MTMR9: variants seen among roughly 807,000 people sequenced by gnomAD.
The protein encoded by MTMR9 is myotubularin related protein 9, also known as myotubularin-related protein 9.
A neutral mutation model predicts 69.5 loss-of-function variants in MTMR9; 39 were observed. The ratio of observed to expected loss-of-function variants is 0.56; its 90% confidence interval spans 0.43 to 0.73. MTMR9 has a LOEUF of 0.73. Among genes scored for constraint, MTMR9 ranks in the 30% least tolerant of loss-of-function variants. The pLI, the probability that MTMR9 is intolerant of heterozygous loss-of-function variation, is 0.00. For synonymous variants in MTMR9, 354 were observed against 240.8 expected (o/e 1.47, Z -4.35); for missense variants, 900 against 671.2 (o/e 1.34, Z -3.77).
Position 11,295,206 on chromosome 8 carries a change from A to G in MTMR9, c.195A>G (p.Ser65=). The change falls in exon 2 of 10, where the codon TCA becomes TCG. Residue 65 remains serine, a synonymous_variant. Transcript: ENST00000221086. ...IDAIDKRFVG[S]LGTIIIKCKD... ...CAATTTCTTACAGATTTGTAGGATC[A>G]CTGGGTACCATCATCATAAAATGTA... The G allele has an allele frequency of 6.3e-7, 1 of 1,598,062 alleles. No individual in the cohort carries two copies. The highest frequency in any genetic ancestry group is 8.6e-7 in the Non-Finnish European group (1 of 1,167,332).
chr8:11,286,042 TC>T (rs1236349260), intron 1 of MTMR9, among the ~76,000 whole-genome samples: 2 of 136,096 alleles, frequency 1.5e-5, no homozygotes, highest in African/African-American at 5.5e-5. Context: ...AACCTCCACC[TC>T]CCAGGTTCTA....
chr8:11,314,853 T>G lies in MTMR9; in HGVS notation c.972-70T>G, dbSNP rs184610481. On this transcript the variant is annotated intron_variant, in intron 6 of 9. Transcript: ENST00000221086. The stretch of plus-strand genomic sequence containing the variant: ...TAAAATGTTGTGCTCAATAAACGCT[T>G]GTTATTAACAGAGTTCATTGACCAT... 6.9e-5 allele frequency: 103 copies of G among 1,483,300 alleles called. 1 individual carries two copies. In the East Asian group the frequency reaches 2.3e-3, roughly 33 times the overall value. 91.9% of individuals were successfully genotyped at this position (1,483,300 alleles called of 1,614,324 possible).
At chr8:11,295,481 C>G (rs1799522341) in intron 2 of MTMR9, among the ~76,000 whole-genome samples, 179 bp downstream of exon 2, 1 of 140,602 alleles carries the variant, frequency 7.1e-6, no homozygotes. Context: ...TTCTTGACTT[C>G]CAGCAGTGTC....
downstream of MTMR9, among the ~76,000 whole-genome samples, chr8:11,330,252 T>G (rs1801156827): frequency 7.1e-6 from 1 of 141,122 alleles, no homozygotes; most frequent in South Asian, 2.3e-4. Flanking sequence ...AGGTGGAGGG[T>G]CAGCCCCCCA....
At chr8:11,297,759 A>C in intron 2 of MTMR9, 1 of 399,874 alleles carries the variant, frequency 2.5e-6, no homozygotes, top group African/African-American at 2.1e-5. Context: ...AAACTGACTC[A>C]TTATATAAAA....
chr8:11,321,703 T>G (rs1348442002), intron 9 of MTMR9: 3 of 310,430 alleles, frequency 9.7e-6, no homozygotes, highest in Non-Finnish European at 1.9e-5. Context: ...CTGTTTACAT[T>G]TACATCACAG....
At chr8:11,306,126 C>T in intron 4 of MTMR9, 64 bp from the exon 5 acceptor site, 1 of 1,404,248 alleles carries the variant, frequency 7.1e-7, no homozygotes. Flanking sequence ...TAGCTAATTT[C>T]TTTCTGTTTT....
chr8:11,294,015 A>G (rs1799461365), intron 1 of MTMR9, among the ~76,000 whole-genome samples: 1 of 152,174 alleles, frequency 6.6e-6, no homozygotes, highest in African/African-American at 2.4e-5. Context: ...TGTTTTGGCT[A>G]TTTGAAGACA....
intron 1 of MTMR9, among the ~76,000 whole-genome samples, chr8:11,287,011 A>G (rs534404998): frequency 7.6e-4 from 116 of 152,342 alleles, no homozygotes; most frequent in African/African-American, 2.7e-3. Context: ...CACCAAGGTA[A>G]ATAAAATATG....
At position 11,324,473 on chromosome 8, in the gene MTMR9, G is replaced by T. The variant is rs1800833528; in HGVS notation, c.*1685G>T. ...AAGGAGCATAAGAGATGTTCTCGTAGCTCTGCGTTGTGTGAAATGTCCATC... is the reference window on the plus strand; with the variant it reads ...AAGGAGCATAAGAGATGTTCTCGTATCTCTGCGTTGTGTGAAATGTCCATC... On this transcript the variant is annotated 3_prime_UTR_variant, in exon 10 of 10. Transcript: ENST00000221086. The T allele has an allele frequency of 1.4e-5, 2 of 147,562 alleles. No homozygotes were observed. Among genetic ancestry groups the T allele is most frequent in the Non-Finnish European group, 3.0e-5 (2 of 67,650 alleles). 9.1% of individuals were successfully genotyped at this position (147,562 alleles called of 1,614,324 possible).
At chr8:11,331,747 A>C, downstream of MTMR9, 3 of 1,611,702 alleles carry the variant, frequency 1.9e-6, no homozygotes, top group Non-Finnish European at 2.5e-6. Flanking sequence ...CGTTCTCTGC[A>C]CTTTCCCTCC....
chr8:11,331,440 G>A (rs1157830372), downstream of MTMR9: 8 of 1,613,976 alleles, frequency 5.0e-6, no homozygotes, highest in Admixed American at 3.3e-5. Context: ...CCTGCTCAAC[G>A]TCCTCAGCAT....
At chr8:11,319,031 A>G (rs1265299868) in intron 8 of MTMR9, 3 of 152,160 alleles carry the variant, frequency 2.0e-5, no homozygotes, top group African/African-American at 7.2e-5. Context: ...ACAAATCGCC[A>G]CTACAGAACT....
At chr8:11,297,967 A>C in intron 2 of MTMR9, 1 of 456,132 alleles carries the variant, frequency 2.2e-6, no homozygotes, top group Non-Finnish European at 4.4e-6. Flanking sequence ...TAGTAATTGA[A>C]TTTTTCATAT....
intron 2 of MTMR9, chr8:11,297,983 A>G (rs1163873581): frequency 2.2e-6 from 1 of 456,098 alleles, no homozygotes; most frequent in African/African-American, 2.0e-5. Context: ...CATATAGCAT[A>G]GCTGAGCTGT....
chr8:11,328,773 G>T (rs1425122911), downstream of MTMR9, among the ~76,000 whole-genome samples: 1 of 152,146 alleles, frequency 6.6e-6, no homozygotes, highest in Non-Finnish European at 1.5e-5. Flanking sequence ...GAAAGGAACT[G>T]GTAGATATCA....
In MTMR9 at chr8:11,314,990, G is replaced by T. The variant is rs772446659; in HGVS notation, c.1039G>T (p.Ala347Ser). Reference sequence around the variant, plus strand: ...TTCCACACTCCAGGTGACCTCCTTGGCCCAGATCATCTTAGAGCCAAGAAG... The same window carrying T: ...TTCCACACTCCAGGTGACCTCCTTGTCCCAGATCATCTTAGAGCCAAGAAG... ...TDSTLQVTSL[A>S]QIILEPRSRT... Residue 347 changes from alanine (A) to serine (S), a missense_variant, in exon 7 of 10, where the codon GCC becomes TCC. Transcript: ENST00000221086. 3 of 1,613,822 alleles carry T rather than the reference G, an allele frequency of 1.9e-6. No homozygotes were observed. The highest frequency in any genetic ancestry group is 3.3e-5 in the Admixed American group (2 of 59,984).
chr8:11,339,495 T>C, the MTMR9 span: 1 of 152,318 alleles, frequency 6.6e-6, no homozygotes, highest in African/African-American at 2.4e-5. Context: ...CCGCTGCCTG[T>C]TTTTGTAAAT....
intron 3 of MTMR9, among the ~76,000 whole-genome samples, 196 bp from the exon 4 acceptor site, chr8:11,304,645 C>T (rs1799873222): frequency 6.6e-6 from 1 of 152,206 alleles, no homozygotes; most frequent in Admixed American, 6.5e-5. Context: ...CCTAGCAATG[C>T]AGGAAGCTGG....
Sources: allele counts gnomAD v4.1 joint callset (sites outside exome capture counted in the v4.1 genomes callset), GRCh38; gene constraint gnomAD v4.1.1; transcripts MANE v1.5; gene names NCBI Gene and HGNC (gene_info 2026-07-23, HGNC 2026-07-21).